ANO3: variants seen among roughly 807,000 people sequenced by gnomAD.
ANO3 encodes the protein anoctamin 3, also known as anoctamin-3.
Under a neutral mutation model 144.8 loss-of-function variants are expected in ANO3, and 99 were observed. That is an observed-to-expected ratio of 0.68 (90% confidence interval 0.58 to 0.81). The LOEUF (loss-of-function observed/expected upper bound fraction) is 0.81, where lower values mean the gene tolerates loss of function less well. Among genes scored for constraint, ANO3 ranks in the 30% least tolerant of loss-of-function variants. ANO3 has a pLI of 0.00. For synonymous variants in ANO3, 414 were observed against 392.6 expected, an observed-to-expected ratio of 1.05 and a Z score of -0.64; for missense variants, 905 against 1,202.2, an observed-to-expected ratio of 0.75 and a Z score of 3.66.
chr11:26,306,850 T>C (rs1289115076), upstream of ANO3, among the ~76,000 whole-genome samples: 1 of 148,996 alleles, frequency 6.7e-6, no homozygotes, highest in Non-Finnish European at 1.5e-5. Flanking sequence ...TCTATCTCTG[T>C]CTCTATTCTT....
At chr11:26,201,791 T>C (rs1465427328) in intron 1 of ANO3, among the ~76,000 whole-genome samples, 1 of 151,302 alleles carries the variant, frequency 6.6e-6, no homozygotes, top group Non-Finnish European at 1.5e-5. Flanking sequence ...ATTCAAGCTA[T>C]GTGAATAAAG....
At chr11:26,475,809 A>G (rs1315713003) in intron 4 of ANO3, among the ~76,000 whole-genome samples, 1 of 152,108 alleles carries the variant, frequency 6.6e-6, no homozygotes. Context: ...GACTAAATTC[A>G]GTGATATTTA....
At chr11:26,263,122 A>G (rs11029455) in intron 1 of ANO3, among the ~76,000 whole-genome samples, 3,045 of 152,176 alleles carry the variant, frequency 0.02, 61 homozygotes, top group East Asian at 0.12. Flanking sequence ...TTCCTCCATT[A>G]TTACTTGTTT....
intron 26 of ANO3, 35 bp from the exon 27 acceptor site, chr11:26,660,227 T>C (rs1190722581): frequency 1.9e-6 from 3 of 1,598,540 alleles, no homozygotes; most frequent in Non-Finnish European, 1.7e-6. Flanking sequence ...TTTCAGAATC[T>C]TTGAAAACTG....
At chr11:26,233,963 G>T (rs1401678607) in intron 1 of ANO3, among the ~76,000 whole-genome samples, 1 of 150,876 alleles carries the variant, frequency 6.6e-6, no homozygotes, top group Non-Finnish European at 1.5e-5. Context: ...GCAAGGGGAG[G>T]GAGAGCATTA....
intron 1 of ANO3, among the ~76,000 whole-genome samples, chr11:26,353,916 A>G (rs1855713198): frequency 6.6e-6 from 1 of 152,218 alleles, no homozygotes; most frequent in Non-Finnish European, 1.5e-5. Flanking sequence ...CAAGTTGAAG[A>G]ACACATTCTC....
intron 1 of ANO3, among the ~76,000 whole-genome samples, chr11:26,294,823 T>A (rs570828534): frequency 6.6e-6 from 1 of 152,216 alleles, no homozygotes; most frequent in African/African-American, 2.4e-5. Flanking sequence ...TCTGCGGCAA[T>A]GAATGTAGAT....
intron 24 of ANO3, among the ~76,000 whole-genome samples, chr11:26,652,833 G>A (rs1177772877): frequency 3.3e-5 from 5 of 152,156 alleles, no homozygotes; most frequent in Non-Finnish European, 7.3e-5. Context: ...ATGTCATGAT[G>A]ACTTTCACAT....
chr11:26,507,978 C>T lies in ANO3; in HGVS notation c.433-126C>T, dbSNP rs187779325. On this transcript the variant is annotated intron_variant, in intron 4 of 26. Coordinates refer to ENST00000256737, the MANE Select transcript of ANO3 (RefSeq NM_031418.4). ...ACTCTTTAATTCTATTTCCATATCT[C>T]ATGGTAGGAATATTAAAAATACATT... The T allele has an allele frequency of 1.3e-3, 1,008 of 779,652 alleles. 1 individual carries two copies. The African/African-American group carries it at 0.013, about 10-fold the overall frequency. 48.3% of individuals were successfully genotyped at this position (779,652 alleles called of 1,614,324 possible).
intron 18 of ANO3, among the ~76,000 whole-genome samples, chr11:26,633,359 A>T (rs187398165): frequency 3.7e-3 from 560 of 152,332 alleles, no homozygotes; most frequent in Middle Eastern, 6.8e-3. Context: ...CTGCAAAAAA[A>T]TAGTGAAGAG....
intron 14 of ANO3, chr11:26,566,009 A>G (rs545422451): frequency 5.4e-6 from 6 of 1,109,870 alleles, no homozygotes; most frequent in Middle Eastern, 3.1e-4. Flanking sequence ...AGATGGTAAT[A>G]TCATATTTTT....
At chr11:26,473,634 C>T (rs1283706889) in intron 4 of ANO3, among the ~76,000 whole-genome samples, 1 of 151,858 alleles carries the variant, frequency 6.6e-6, no homozygotes, top group Non-Finnish European at 1.5e-5. Flanking sequence ...TTCCAGACCA[C>T]TATTATCAAA....
chr11:26,585,080 A>C (rs1851238641), intron 14 of ANO3, among the ~76,000 whole-genome samples: 1 of 152,206 alleles, frequency 6.6e-6, no homozygotes, highest in Non-Finnish European at 1.5e-5. Flanking sequence ...TCTCCTATGG[A>C]GGCCTCTGAT....
chr11:26,477,942 G>C (rs923410638), intron 4 of ANO3, among the ~76,000 whole-genome samples: 4 of 152,108 alleles, frequency 2.6e-5, no homozygotes, highest in Non-Finnish European at 5.9e-5. Context: ...TCATAGCAAA[G>C]AATAATTTGG....
intron 1 of ANO3, among the ~76,000 whole-genome samples, chr11:26,262,400 C>T (rs1853209945): frequency 6.6e-6 from 1 of 151,972 alleles, no homozygotes; most frequent in East Asian, 1.9e-4. Flanking sequence ...GCCCAGTAAC[C>T]CACTATGCTT....
chr11:26,525,166 C>A (rs1315877680), intron 6 of ANO3, among the ~76,000 whole-genome samples: 1 of 152,014 alleles, frequency 6.6e-6, no homozygotes, highest in Non-Finnish European at 1.5e-5. Flanking sequence ...ACAAACTGAC[C>A]CTACCTCTTT....
intron 3 of ANO3, among the ~76,000 whole-genome samples, chr11:26,451,640 C>G (rs1858944848): frequency 6.6e-6 from 1 of 152,206 alleles, no homozygotes; most frequent in East Asian, 1.9e-4. Context: ...CCTCTGTAGG[C>G]TCTACCTCTG....
At chr11:26,554,888 T>C (rs981206761) in intron 13 of ANO3, among the ~76,000 whole-genome samples, 1 of 152,188 alleles carries the variant, frequency 6.6e-6, no homozygotes, top group African/African-American at 2.4e-5. Context: ...TACCATCTTG[T>C]AATCTGTTGT....
At chr11:26,476,524 A>G (rs1859976946) in intron 4 of ANO3, among the ~76,000 whole-genome samples, 1 of 152,080 alleles carries the variant, frequency 6.6e-6, no homozygotes, top group Non-Finnish European at 1.5e-5. Flanking sequence ...AGGAGAGGTG[A>G]GAGAGAGGTG....
Sources: allele counts gnomAD v4.1 joint callset (sites outside exome capture counted in the v4.1 genomes callset), GRCh38; gene constraint gnomAD v4.1.1; transcripts MANE v1.5; gene names NCBI Gene and HGNC (gene_info 2026-07-23, HGNC 2026-07-21).